LRRC4B: variants seen among roughly 807,000 people sequenced by gnomAD.
LRRC4B encodes the protein leucine rich repeat containing 4B.
LRRC4B carries 1 observed loss-of-function variant against 7.3 expected under a neutral mutation model. The ratio of observed to expected loss-of-function variants is 0.14; its 90% CI spans 0.05 to 0.65. LRRC4B has a LOEUF of 0.65. Ranked by LOEUF, LRRC4B falls within the 30% of genes least tolerant of loss-of-function variation. LRRC4B has a pLI of 0.84. For missense variants in LRRC4B, 730 were observed against 1,041.6 expected, an observed-to-expected ratio of 0.70 and a Z score of 4.12; for synonymous variants, 500 against 499.2, an observed-to-expected ratio of 1.00 and a Z score of -0.02.
chr19:50,566,371 G>A (rs1289198995), intron 1 of LRRC4B, among the ~76,000 whole-genome samples: 2 of 151,888 alleles, frequency 1.3e-5, no homozygotes, highest in Non-Finnish European at 2.9e-5. Flanking sequence ...TGGAGAGGGG[G>A]GCGGGGAGGG....
chr19:50,525,085 G>A (rs992617774), intron 2 of LRRC4B, among the ~76,000 whole-genome samples: 2 of 152,162 alleles, frequency 1.3e-5, no homozygotes, highest in South Asian at 2.1e-4. Context: ...GCCGTTCCCC[G>A]TGGACAGACA....
chr19:50,533,929 C>A (rs1182819658), intron 2 of LRRC4B, among the ~76,000 whole-genome samples: 1 of 152,220 alleles, frequency 6.6e-6, no homozygotes, highest in Non-Finnish European at 1.5e-5. Flanking sequence ...TGAGCACAGA[C>A]ATGGGAGTCT....
intron 2 of LRRC4B, among the ~76,000 whole-genome samples, chr19:50,529,678 G>A (rs1284007352): frequency 6.6e-6 from 1 of 152,088 alleles, no homozygotes; most frequent in African/African-American, 2.4e-5. Context: ...GATGATGCAC[G>A]CCTGTAATCC....
chr19:50,523,658 A>C (rs1192577741), intron 2 of LRRC4B, among the ~76,000 whole-genome samples: 7 of 146,378 alleles, frequency 4.8e-5, no homozygotes, highest in African/African-American at 1.8e-4. Context: ...GTGAGACTCC[A>C]TCTTAAAAAC....
chr19:50,561,679 G>A (rs1054259352), intron 1 of LRRC4B, among the ~76,000 whole-genome samples: 1 of 152,124 alleles, frequency 6.6e-6, no homozygotes, highest in Non-Finnish European at 1.5e-5. Context: ...AGGCTGCAGT[G>A]AGCTGTGGTT....
intron 1 of LRRC4B, among the ~76,000 whole-genome samples, chr19:50,558,200 TACACACACAC>T (rs71182737): frequency 0.062 from 9,222 of 147,674 alleles, 931 homozygotes; most frequent in African/African-American, 0.22. Context: ...ACTGTATACA[TACACACACAC>T]ACACACACAC....
rs1334982801 is a variant in LRRC4B at position 50,556,900 on chromosome 19, G to C, written c.-35-8027C>G. On this transcript the variant is annotated intron_variant, in intron 1 of 2. Coordinates refer to ENST00000652263, the MANE Select transcript of LRRC4B (RefSeq NM_001080457.2). This position sits in a 1 kb window ranked among gnomAD's most constrained non-coding sequence, Gnocchi z 4.2. ...CCCCGGAACGTCCAGGAGGGAAGCC[G>C]GGAGGAGGGAATGTCGAGCTGTTAC... 6.6e-6 allele frequency among the ~76,000 whole-genome samples: 1 copy of C among 152,010 alleles called. No homozygotes were observed. Among genetic ancestry groups the C allele is most frequent in the Non-Finnish European group, 1.5e-5 (1 of 67,982 alleles).
chr19:50,565,608 G>A (rs1982605025), intron 1 of LRRC4B, among the ~76,000 whole-genome samples: 2 of 150,880 alleles, frequency 1.3e-5, no homozygotes, highest in African/African-American at 2.4e-5. Flanking sequence ...TGTCTTCCTC[G>A]CACGCTCCCA....
chr19:50,566,181 G>T (rs1390164284), intron 1 of LRRC4B, among the ~76,000 whole-genome samples: 1 of 134,688 alleles, frequency 7.4e-6, no homozygotes, highest in Non-Finnish European at 1.6e-5. Flanking sequence ...GTGCGGTCCT[G>T]GCCGCGGTCC....
In LRRC4B at chr19:50,517,432, G is replaced by C. The variant is rs1352145349; in HGVS notation, c.*139C>G. ...GGGGTCCGAGCCCCAGATGGGGCTG[G>C]AAGCCACCTCTCCCCAATTCCCTGC... On this transcript the variant is annotated 3_prime_UTR_variant, in exon 3 of 3. Coordinates refer to ENST00000652263, the MANE Select transcript of LRRC4B (RefSeq NM_001080457.2). This position sits in a 1 kb window ranked among gnomAD's most constrained non-coding sequence, Gnocchi z 6.6. 2 of 749,500 alleles carry C rather than the reference G, an allele frequency of 2.7e-6. No individual in the cohort carries two copies. The highest frequency in any genetic ancestry group is 4.3e-5 in the Admixed American group (1 of 23,198). The allele number at this position is 749,500 out of a possible 1,614,324, so 46.4% of individuals were successfully genotyped here. A position where few individuals can be genotyped will look rare whatever the true frequency, so the allele number is the denominator to read the frequency against.
At chr19:50,540,678 G>A (rs535530412) in intron 2 of LRRC4B, among the ~76,000 whole-genome samples, 66 of 151,716 alleles carry the variant, frequency 4.4e-4, no homozygotes, top group Non-Finnish European at 7.7e-4. Flanking sequence ...TCATAGGAAC[G>A]TGAACCCTAT....
At position 50,543,209 on chromosome 19, in the gene LRRC4B, T is replaced by G. The variant is rs540668012; in HGVS notation, c.297+5333A>C. 2.6e-3 allele frequency among the ~76,000 whole-genome samples: 389 copies of G among 152,266 alleles called. 1 individual carries two copies. The highest frequency in any genetic ancestry group is 9.0e-3 in the African/African-American group (372 of 41,558). ...GGATCCGGCAGGGAACATTGCAAAG[T>G]CCCTGCCTTCATGCAGGTGGCAGCG... On this transcript the variant is annotated intron_variant, in intron 2 of 2. Coordinates refer to ENST00000652263, the MANE Select transcript of LRRC4B (RefSeq NM_001080457.2).
At chr19:50,543,335 G>GGGGTGTGTGTGT (rs1555807804) in intron 2 of LRRC4B, among the ~76,000 whole-genome samples, 1 of 145,192 alleles carries the variant, frequency 6.9e-6, no homozygotes, top group Admixed American at 6.9e-5. Flanking sequence ...GCCAGGCCCT[G>GGGGTGTGTGTGT]GTGTGTGTGT....
At position 50,518,513 on chromosome 19, in the gene LRRC4B, G is replaced by A. The variant is rs766045829; in HGVS notation, c.1200C>T (p.Asn400=). 3.8e-6 allele frequency: 6 copies of A among 1,567,868 alleles called. No individual in the cohort carries two copies. The highest frequency in any genetic ancestry group is 4.3e-6 in the Non-Finnish European group (5 of 1,155,176). The change falls in exon 3 of 3, where the codon AAC becomes AAT. Residue 400 remains asparagine (N), a synonymous_variant. Coordinates refer to ENST00000652263, the MANE Select transcript of LRRC4B (RefSeq NM_001080457.2). The part of the protein sequence containing the change: ...SMTSVNWLTP[N]GTLMTHGSYR... ...AGGAGCCGTGGGTCATGAGGGTGCC[G>A]TTGGGCGTCAGCCAGTTGACGGAGG...
At chr19:50,528,196 C>CTAAAGG (rs1980900743) in intron 2 of LRRC4B, among the ~76,000 whole-genome samples, 1 of 152,092 alleles carries the variant, frequency 6.6e-6, no homozygotes, top group Non-Finnish European at 1.5e-5. Context: ...GCACACACCA[C>CTAAAGG]CATGCCTTGC....
At chr19:50,538,208 A>T (rs1454098634) in intron 2 of LRRC4B, among the ~76,000 whole-genome samples, 5 of 152,194 alleles carry the variant, frequency 3.3e-5, no homozygotes, top group African/African-American at 1.2e-4. Context: ...TACTACAGGC[A>T]CGCACTACCA....
intron 2 of LRRC4B, among the ~76,000 whole-genome samples, chr19:50,524,089 T>C (rs1323015443): frequency 6.6e-6 from 1 of 152,106 alleles, no homozygotes; most frequent in Admixed American, 6.6e-5. Context: ...ACTTTTACAG[T>C]AAGCAGGAAT....
At chr19:50,528,662 GC>G (rs1980923986) in intron 2 of LRRC4B, among the ~76,000 whole-genome samples, 1 of 152,090 alleles carries the variant, frequency 6.6e-6, no homozygotes, top group African/African-American at 2.4e-5. Context: ...TTCTTAATAG[GC>G]TTCTGCCTTG....
chr19:50,562,455 A>T (rs939802708), intron 1 of LRRC4B, among the ~76,000 whole-genome samples: 3 of 152,224 alleles, frequency 2.0e-5, no homozygotes, highest in African/African-American at 7.2e-5. Flanking sequence ...TCAATCAGTT[A>T]GCTACGATCA....
Sources: allele counts gnomAD v4.1 joint callset (sites outside exome capture counted in the v4.1 genomes callset), GRCh38; gene constraint gnomAD v4.1.1; non-coding constraint Gnocchi (gnomAD v3.1); transcripts MANE v1.5; gene names NCBI Gene and HGNC (gene_info 2026-07-23, HGNC 2026-07-21).